Variants in HPS5 observed in about 807,000 individuals in gnomAD.
HPS5 encodes the protein HPS5 biogenesis of lysosomal organelles complex 2 subunit 2.
In HPS5, 83 loss-of-function variants were observed where a neutral mutation model predicts 128.0. The observed-to-expected ratio is 0.65, with a 90% CI of 0.54 to 0.78. The LOEUF (loss-of-function observed/expected upper bound fraction) is 0.78. Ranked by LOEUF, HPS5 falls within the 30% of genes least tolerant of loss-of-function variation. The probability of loss-of-function intolerance (pLI) is 0.00; values close to 1 mark genes in which losing one functional copy is unlikely to be tolerated. For missense variants in HPS5, 1,281 were observed against 1,326.2 expected (o/e 0.97, Z 0.53); for synonymous variants, 475 against 470.2 (o/e 1.01, Z -0.13).
intron 22 of HPS5, chr11:18,280,599 C>T (rs1481262884): frequency 8.6e-6 from 6 of 699,260 alleles, no homozygotes; most frequent in Non-Finnish European, 1.6e-5. Context: ...ATATTCATAG[C>T]AGCGTTATTC....
intron 6 of HPS5, among the ~76,000 whole-genome samples, chr11:18,307,943 G>T (rs1862557237): frequency 6.6e-6 from 1 of 152,108 alleles, no homozygotes; most frequent in African/African-American, 2.4e-5. Context: ...TATGAAATAG[G>T]TACACAGGTG....
chr11:18,314,901 A>G (rs1294914351), intron 2 of HPS5, among the ~76,000 whole-genome samples: 1 of 152,074 alleles, frequency 6.6e-6, no homozygotes, highest in African/African-American at 2.4e-5. Context: ...GGGTTTTGCC[A>G]TATTTCCCAA....
At chr11:18,321,585 T>C (rs1042294642) in intron 1 of HPS5, among the ~76,000 whole-genome samples, 17 of 152,334 alleles carry the variant, frequency 1.1e-4, no homozygotes, top group African/African-American at 3.8e-4. Flanking sequence ...CTTTCCATTA[T>C]CGTAAAATAG....
chr11:18,311,742 C>T, intron 3 of HPS5, 172 bp downstream of exon 3: 1 of 670,868 alleles, frequency 1.5e-6, no homozygotes, highest in Non-Finnish European at 2.7e-6. Context: ...AACTCCTGAC[C>T]TCAGGTAATC....
chr11:18,286,444 G>A (rs1859735215), intron 19 of HPS5, 147 bp downstream of exon 19: 1 of 747,464 alleles, frequency 1.3e-6, no homozygotes, highest in Admixed American at 2.6e-5. Context: ...AGCTAAGGTT[G>A]AAGGGTTTAA....
intron 21 of HPS5, 84 bp from the exon 22 acceptor site, chr11:18,282,304 T>C: frequency 6.8e-7 from 1 of 1,477,264 alleles, no homozygotes; most frequent in African/African-American, 1.4e-5. Flanking sequence ...GTGAAAATGT[T>C]TAATGCCAAA....
rs281865102 is a variant in HPS5, at chr11:18,292,011, A to G, written c.1871T>C (p.Leu624Pro). The change falls in exon 16 of 23, where the codon CTA becomes CCA. Residue 624 changes from leucine (L) to proline (P), a missense_variant. By Grantham distance (98) the Leu-to-Pro change is moderately conservative. Transcript: ENST00000349215. The stretch of plus-strand genomic sequence containing the variant: ...TTCAAATAAAACCAGAGGGTCCTGT[A>G]GCTTGGTCCTATACAAGACAGACAA... ...KVATAEAMTK[L>P]QDPLVLFESE... 2 of 1,613,584 alleles carry G rather than the reference A, an allele frequency of 1.2e-6. No homozygotes were observed. Among genetic ancestry groups the G allele is most frequent in the Non-Finnish European group, 1.7e-6 (2 of 1,179,602 alleles).
At chr11:18,282,456 G>A (rs1228973034) in intron 21 of HPS5, among the ~76,000 whole-genome samples, 1 of 151,152 alleles carries the variant, frequency 6.6e-6, no homozygotes, top group African/African-American at 2.4e-5. Flanking sequence ...AGAGAGACAG[G>A]GTCTCACTAC....
intron 13 of HPS5, 57 bp downstream of exon 13, chr11:18,295,942 T>C: frequency 2.0e-6 from 3 of 1,536,872 alleles, no homozygotes; most frequent in South Asian, 1.1e-5. Context: ...AATTACCTAA[T>C]GTGAGAACTG....
rs1438818335 is a variant in HPS5 at position 18,306,212 on chromosome 11, G to A, written c.747C>T (p.Asn249=). The A allele has an allele frequency of 6.2e-7, 1 of 1,614,064 alleles. No homozygotes were observed. Among genetic ancestry groups the A allele is most frequent in the South Asian group, 1.1e-5 (1 of 91,086 alleles). ...ARPGSRMWEV[N]FDGEVISTHQ... Reference sequence around the variant, plus strand: ...GTGTACTTATAACTTCTCCATCAAAGTTCACTTCCCACATCCTAGAGCCTG... The same window carrying A: ...GTGTACTTATAACTTCTCCATCAAAATTCACTTCCCACATCCTAGAGCCTG... Residue 249 remains asparagine, a synonymous_variant, in exon 7 of 23, where the codon AAC becomes AAT. Coordinates refer to ENST00000349215, the MANE Select transcript of HPS5 (RefSeq NM_181507.2).
At chr11:18,317,054 C>T (rs894430514) in intron 2 of HPS5, among the ~76,000 whole-genome samples, 9 of 151,986 alleles carry the variant, frequency 5.9e-5, no homozygotes, top group South Asian at 2.1e-4. Context: ...ATTAGCCAGA[C>T]GTGGTGGCGG....
rs746846715 is a variant in HPS5, at chr11:18,286,608, A to T, written c.2820T>A (p.Asp940Glu). The T allele has an allele frequency of 5.6e-6, 9 of 1,614,076 alleles. No homozygotes were observed. In the South Asian group the frequency reaches 9.9e-5, roughly 18 times the overall value. ...LDAPPSTSTMDDEGYPRPHSH... is the reference protein window; with the variant it reads ...LDAPPSTSTMEDEGYPRPHSH... The stretch of plus-strand genomic sequence containing the variant: ...TTCTGTACCTGGGATAACCTTCATC[A>T]TCCATTGTGCTGGTGCTTGGTGGAG... Residue 940 changes from aspartate to glutamate, a missense_variant, in exon 19 of 23, where the codon GAT becomes GAA. Physicochemically the swap from Asp to Glu is conservative, Grantham distance 45. Transcript: ENST00000349215.
chr11:18,313,572 A>G (rs1590142003), intron 2 of HPS5, among the ~76,000 whole-genome samples: 1 of 151,990 alleles, frequency 6.6e-6, no homozygotes, highest in Non-Finnish European at 1.5e-5. Context: ...TGTCGAGACC[A>G]GCCTGGGCAA....
rs201664625 is a variant in HPS5, at chr11:18,310,895, C to T, written c.323G>A (p.Arg108His). ...ATACATTTGTTCCGGTTTCCCACGA[C>T]GCTCTTGATTTAATTCCCAAACAAC... Reference protein sequence around the residue: ...LVVVWELNQERRGKPEQMYVS... With the variant: ...LVVVWELNQEHRGKPEQMYVS... The change falls in exon 5 of 23, where the codon CGT becomes CAT. Residue 108 changes from arginine to histidine, a missense_variant. By Grantham distance (29) the Arg-to-His change is conservative. Coordinates refer to ENST00000349215, the MANE Select transcript of HPS5 (RefSeq NM_181507.2). 40 of 1,614,010 alleles carry T rather than the reference C, an allele frequency of 2.5e-5. No homozygotes were observed. The highest frequency in any genetic ancestry group is 5.5e-5 in the South Asian group (5 of 91,086).
At chr11:18,309,465 A>G (rs1862724764) in intron 5 of HPS5, among the ~76,000 whole-genome samples, 1 of 152,204 alleles carries the variant, frequency 6.6e-6, no homozygotes, top group African/African-American at 2.4e-5. Flanking sequence ...AGCTAAGATC[A>G]TGCTACTATA....
chr11:18,304,913 A>T (rs991192040), intron 8 of HPS5, among the ~76,000 whole-genome samples: 7 of 152,206 alleles, frequency 4.6e-5, no homozygotes, highest in African/African-American at 1.7e-4. Flanking sequence ...ACCTAATCCA[A>T]CTAGAAGGCT....
chr11:18,285,511 A>C, intron 19 of HPS5, 52 bp from the exon 20 acceptor site: 1 of 1,196,770 alleles, frequency 8.4e-7, no homozygotes, highest in Non-Finnish European at 1.2e-6. Flanking sequence ...ACTCTAGAAA[A>C]TGCTTATTTA....
chr11:18,313,838 C>G (rs913719442), intron 2 of HPS5, among the ~76,000 whole-genome samples: 1 of 148,986 alleles, frequency 6.7e-6, no homozygotes, highest in African/African-American at 2.4e-5. Flanking sequence ...CACTTGAACC[C>G]AGGAAGTGGA....
Position 18,306,267 on chromosome 11 carries a change from C to A in HPS5, c.692G>T (p.Gly231Val), listed in dbSNP as rs1467450857. Residue 231 changes from glycine (G) to valine (V), a missense_variant, in exon 7 of 23, where the codon GGC becomes GTC. Coordinates refer to ENST00000349215, the MANE Select transcript of HPS5 (RefSeq NM_181507.2). ...ACFFPGRCSG[G>V]QQPLIYCARP... ...AGCACAATATATCAGAGGTTGCTGG[C>A]CCCCAGAACATCTTCCAGGAAAGAA... 1.2e-6 allele frequency: 2 copies of A among 1,613,842 alleles called. No homozygotes were observed. The highest frequency in any genetic ancestry group is 1.7e-6 in the Non-Finnish European group (2 of 1,179,872).
Sources: allele counts gnomAD v4.1 joint callset (sites outside exome capture counted in the v4.1 genomes callset), GRCh38; gene constraint gnomAD v4.1.1; transcripts MANE v1.5; gene names NCBI Gene and HGNC (gene_info 2026-07-23, HGNC 2026-07-21).